Variants in NSUN7 observed in about 807,000 individuals in gnomAD.
NSUN7 encodes NOP2/Sun RNA methyltransferase family member 7.
NSUN7 carries 39 observed loss-of-function variants against 58.5 expected under a neutral mutation model. The ratio of observed to expected loss-of-function variants is 0.67; its 90% confidence interval spans 0.52 to 0.87. NSUN7 has a LOEUF of 0.87. Among genes scored for constraint, NSUN7 ranks in the 40% least tolerant of loss-of-function variants. The pLI, the probability that NSUN7 is intolerant of heterozygous loss-of-function variation, is 0.00. For missense variants in NSUN7, 765 were observed against 844.1 expected, an observed-to-expected ratio of 0.91 and a Z score of 1.16; for synonymous variants, 278 against 303.7, an observed-to-expected ratio of 0.92 and a Z score of 0.88.
chr4:40,792,643 C>T (rs1272859864), intron 8 of NSUN7, among the ~76,000 whole-genome samples: 1 of 151,950 alleles, frequency 6.6e-6, no homozygotes, highest in Non-Finnish European at 1.5e-5. Context: ...CCCAGCTACT[C>T]GGGAGGCTGA....
chr4:40,777,584 AGG>A (rs1742332349), intron 7 of NSUN7, among the ~76,000 whole-genome samples: 2 of 152,154 alleles, frequency 1.3e-5, no homozygotes, highest in Admixed American at 1.3e-4. Context: ...CCAAAGTGCT[AGG>A]ATTACAGGCG....
chr4:40,777,185 A>G (rs1419619410), intron 7 of NSUN7, among the ~76,000 whole-genome samples: 1 of 152,138 alleles, frequency 6.6e-6, no homozygotes, highest in East Asian at 1.9e-4. Flanking sequence ...CATTCCAGTC[A>G]TCTTAATTCC....
rs1742191645 is a variant in NSUN7, at chr4:40,774,884, T to C, written c.759T>C (p.Phe253=). The C allele has an allele frequency of 3.7e-6, 5 of 1,348,136 alleles. No homozygotes were observed. Among genetic ancestry groups the C allele is most frequent in the African/African-American group, 1.4e-5 (1 of 69,554 alleles). 83.5% of individuals were successfully genotyped at this position (1,348,136 alleles called of 1,614,324 possible). The part of the protein sequence containing the change: ...VDQHCYDVLI[F]PSHLKNDLIN... ...AACATTGCTATGATGTCTTAATTTT[T>C]CCATCTCATCTTAAAAATGATCTTA... The change falls in exon 6 of 12, where the codon TTT becomes TTC. Residue 253 remains phenylalanine (F), a synonymous_variant. Transcript: ENST00000381782.
At chr4:40,770,954 G>A (rs1741977853) in intron 4 of NSUN7, among the ~76,000 whole-genome samples, 1 of 152,164 alleles carries the variant, frequency 6.6e-6, no homozygotes, top group South Asian at 2.1e-4. Context: ...GGGAGGCTGA[G>A]GCAGGAGAAT....
Position 40,750,909 on chromosome 4 carries a change from T to G in NSUN7, c.216T>G (p.Asn72Lys), listed in dbSNP as rs1341976922. ...AGAAAGTCTTAATCAAGTATGGGAA[T>G]GAACCCCTGCGGTCCTTGTCCGAGT... ...SAQKVLIKYGNEPLRSLSESE... is the reference protein window; with the variant it reads ...SAQKVLIKYGKEPLRSLSESE... Residue 72 changes from asparagine to lysine, a missense_variant, in exon 2 of 12, where the codon AAT (asparagine) becomes AAG (lysine). Physicochemically the swap from Asn to Lys is moderately conservative, Grantham distance 94. Coordinates refer to ENST00000381782, the MANE Select transcript of NSUN7 (RefSeq NM_024677.6). 2.5e-6 allele frequency: 4 copies of G among 1,614,112 alleles called. No individual in the cohort carries two copies. In the African/African-American group the frequency reaches 5.3e-5, roughly 22 times the overall value.
chr4:40,792,737 A>AGTG lies in NSUN7; in HGVS notation c.1181-1638_1181-1637insGTG, dbSNP rs1743147751. ...ACTGCACTCCAGCCTGGGCGACAGC[A>AGTG]AGACTCCATCTCATTTAAAAAAAAA... On this transcript the variant is annotated intron_variant, in intron 8 of 11. Coordinates refer to ENST00000381782, the MANE Select transcript of NSUN7 (RefSeq NM_024677.6). Among the ~76,000 whole-genome samples, 104 of 148,668 alleles carry AGTG rather than the reference A, an allele frequency of 7.0e-4. No homozygotes were observed. In the Admixed American group the frequency reaches 7.1e-3, roughly 10 times the overall value.
At chr4:40,795,367 T>A (rs149422653) in intron 9 of NSUN7, among the ~76,000 whole-genome samples, 1 of 152,202 alleles carries the variant, frequency 6.6e-6, no homozygotes, top group Non-Finnish European at 1.5e-5. Flanking sequence ...TTTTAGTTCA[T>A]ATTGCTAATA....
intron 7 of NSUN7, among the ~76,000 whole-genome samples, chr4:40,785,492 T>TG (rs1355382951): frequency 6.6e-6 from 1 of 152,148 alleles, no homozygotes; most frequent in Admixed American, 6.6e-5. Context: ...CCCAAGTAGT[T>TG]GGGATTACAG....
intron 7 of NSUN7, chr4:40,786,255 C>T (rs561301811): frequency 1.3e-5 from 21 of 1,613,828 alleles, no homozygotes; most frequent in Middle Eastern, 1.7e-4. Context: ...TTGTAAATAC[C>T]GTACCTACCA....
rs1414664741 is a variant in NSUN7 at position 40,775,080 on chromosome 4, TGTCAC to T, written c.825+131_825+135del. The T allele has an allele frequency of 6.4e-6, 3 of 468,514 alleles. No homozygotes were observed. The highest frequency in any genetic ancestry group is 1.1e-5 in the Non-Finnish European group (3 of 263,544). The allele number at this position is 468,514 out of a possible 1,614,324, so 29.0% of individuals were successfully genotyped here. The stretch of plus-strand genomic sequence containing the variant: ...ATCAGGGAGGTTTATAAGGCCTAAT[TGTCAC>T]CTTGAATAAAATTAATACCTCTACA... On this transcript the variant is annotated intron_variant, in intron 6 of 11. Coordinates refer to ENST00000381782, the MANE Select transcript of NSUN7 (RefSeq NM_024677.6). This position sits in a 1 kb window ranked among gnomAD's most constrained non-coding sequence, Gnocchi z 4.3.
chr4:40,808,603 C>A lies in NSUN7; in HGVS notation c.1821C>A (p.Asn607Lys). Residue 607 changes from asparagine (N) to lysine (K), a missense_variant, in exon 12 of 12, where the codon AAC (asparagine) becomes AAA (lysine). Coordinates refer to ENST00000381782, the MANE Select transcript of NSUN7 (RefSeq NM_024677.6). ...VGASSQTRKP[N>K]KLAPHPAVPA... ...CTTCCTCACAGACCAGAAAACCCAACAAGCTGGCCCCCCATCCTGCAGTGC... is the reference window on the plus strand; with the variant it reads ...CTTCCTCACAGACCAGAAAACCCAAAAAGCTGGCCCCCCATCCTGCAGTGC... 1 of 1,551,762 alleles carries A rather than the reference C, an allele frequency of 6.4e-7. No homozygotes were observed. The highest frequency in any genetic ancestry group is 8.7e-7 in the Non-Finnish European group (1 of 1,147,018).
chr4:40,807,245 T>G, intron 11 of NSUN7, 61 bp downstream of exon 11: 1 of 1,447,298 alleles, frequency 6.9e-7, no homozygotes, highest in South Asian at 1.3e-5. Context: ...CAAAGCCTCA[T>G]AAGAGGAAGC....
rs371117871 is a variant in NSUN7, at chr4:40,797,805, G to A, written c.1283-982G>A. On this transcript the variant is annotated intron_variant, in intron 9 of 11. Coordinates refer to ENST00000381782, the MANE Select transcript of NSUN7 (RefSeq NM_024677.6). ...CCCAAGTAAAAACCTAAGCCCTTCC[G>A]GTGGCCCACAAGTCCCTGTACTATC... 1.5e-4 allele frequency among the ~76,000 whole-genome samples: 23 copies of A among 152,216 alleles called. No homozygotes were observed. In the East Asian group the frequency reaches 3.1e-3, roughly 20 times the overall value.
intron 2 of NSUN7, among the ~76,000 whole-genome samples, chr4:40,755,401 T>A (rs971433211): frequency 6.6e-6 from 1 of 152,084 alleles, no homozygotes; most frequent in Non-Finnish European, 1.5e-5. Context: ...AATTTTTTTT[T>A]AAATAAAAAC....
chr4:40,756,711 T>C (rs1741160457), intron 2 of NSUN7, among the ~76,000 whole-genome samples: 1 of 152,238 alleles, frequency 6.6e-6, no homozygotes, highest in African/African-American at 2.4e-5. Context: ...CTAATTCATA[T>C]GGTTGTTGTG....
chr4:40,808,863 CA>C lies in NSUN7; in HGVS notation c.2082del (p.Leu695TyrfsTer47), dbSNP rs1744017987. 6.5e-7 allele frequency: 1 copy of C among 1,548,468 alleles called. No individual in the cohort carries two copies. Among genetic ancestry groups the C allele is most frequent in the Non-Finnish European group, 8.7e-7 (1 of 1,146,820 alleles). Reference protein sequence around the residue: ...ALVPTCLPTHSLSRKEEKPKD... With the variant: ...ALVPTCLPTHXLSRKEEKPKD... Reference sequence around the variant, plus strand: ...GTGCCCACCTGCCTTCCCACACACTCACTATCCAGAAAAGAGGAAAAGCCTA... The same window carrying C: ...GTGCCCACCTGCCTTCCCACACACTCCTATCCAGAAAAGAGGAAAAGCCTA... On this transcript the variant is annotated frameshift_variant, in exon 12 of 12. Coordinates refer to ENST00000381782, the MANE Select transcript of NSUN7 (RefSeq NM_024677.6). LOFTEE classifies it high-confidence loss of function.
At chr4:40,757,727 C>CATTGTGTGTGTGTGTATAT (rs1560545119) in intron 2 of NSUN7, among the ~76,000 whole-genome samples, 6 of 8,804 alleles carry the variant, frequency 6.8e-4, no homozygotes, top group South Asian at 3.3e-3. Flanking sequence ...TGTATATATA[C>CATTGTGTGTGTGTGTATAT]ACACACACAC....
At chr4:40,785,279 C>G (rs1051282634) in intron 7 of NSUN7, among the ~76,000 whole-genome samples, 2 of 151,756 alleles carry the variant, frequency 1.3e-5, no homozygotes, top group Non-Finnish European at 2.9e-5. Flanking sequence ...CACCTAGCTC[C>G]TAATATGTTT....
intron 4 of NSUN7, among the ~76,000 whole-genome samples, chr4:40,768,204 CTTT>C (rs761378053): frequency 5.8e-5 from 8 of 138,752 alleles, no homozygotes; most frequent in Admixed American, 7.3e-5. Flanking sequence ...CTTTTTTTTT[CTTT>C]TTTTTTTTTT....
Sources: gnomAD v4.1 joint callset for allele counts (sites outside exome capture counted in the v4.1 genomes callset) on GRCh38, gnomAD v4.1.1 for gene constraint, Gnocchi (gnomAD v3.1) non-coding constraint, MANE v1.5 for transcripts, NCBI Gene and HGNC (gene_info 2026-07-23, HGNC 2026-07-21) for gene names.